ZW10: variants seen among roughly 807,000 people sequenced by gnomAD.
The protein encoded by ZW10 is zw10 kinetochore protein.
Under a neutral mutation model 87.8 loss-of-function variants are expected in ZW10, and 53 were observed. The ratio of observed to expected loss-of-function variants is 0.60; its 90% CI spans 0.48 to 0.76. The LOEUF (loss-of-function observed/expected upper bound fraction) is 0.76, where lower values mean the gene tolerates loss of function less well. ZW10 is among the 30% of genes least tolerant of loss of function. The pLI is 0.00. For missense variants in ZW10, 837 were observed against 923.0 expected (o/e 0.91, Z 1.21); for synonymous variants, 312 against 329.2 (o/e 0.95, Z 0.57).
intron 10 of ZW10, among the ~76,000 whole-genome samples, 178 bp from the exon 11 acceptor site, chr11:113,741,943 T>A (rs1304483729): frequency 1.3e-5 from 2 of 152,224 alleles, no homozygotes; most frequent in Non-Finnish European, 2.9e-5. Context: ...TCTCAACCAG[T>A]ATTTACTAAC....
At chr11:113,749,679 C>A (rs564762883) in intron 7 of ZW10, among the ~76,000 whole-genome samples, 5 of 152,108 alleles carry the variant, frequency 3.3e-5, no homozygotes, top group Non-Finnish European at 7.3e-5. Context: ...AGTGGAGGCA[C>A]GAGACCTCTC....
chr11:113,749,883 A>C (rs1953717317), intron 7 of ZW10, among the ~76,000 whole-genome samples: 1 of 152,230 alleles, frequency 6.6e-6, no homozygotes, highest in Admixed American at 6.5e-5. Flanking sequence ...CAAACCAGTC[A>C]GTGTCAACAG....
intron 11 of ZW10, among the ~76,000 whole-genome samples, chr11:113,740,193 A>C (rs1441624590): frequency 1.4e-5 from 2 of 140,422 alleles, no homozygotes; most frequent in East Asian, 2.1e-4. Flanking sequence ...CTTAAAAAAA[A>C]AGAAAAAAAC....
At chr11:113,758,804 C>A (rs1335375392) in intron 5 of ZW10, 98 bp from the exon 6 acceptor site, 2 of 1,172,556 alleles carry the variant, frequency 1.7e-6, no homozygotes, top group Admixed American at 4.1e-5. Context: ...CAATGCAGTT[C>A]TATTACAATA....
rs569706683 is a variant in ZW10, at chr11:113,769,040, T to C, written c.106-73A>G. ...GAACTCTAATAAGAATATATTCATC[T>C]TCCACAAGGCATTTTCCATGTTAGA... On this transcript the variant is annotated intron_variant, in intron 1 of 15. Transcript: ENST00000200135. The C allele has an allele frequency of 2.0e-6, 3 of 1,492,392 alleles. No individual in the cohort carries two copies. In the South Asian group the frequency reaches 3.6e-5, roughly 18 times the overall value. 92.4% of individuals were successfully genotyped at this position (1,492,392 alleles called of 1,614,324 possible). A position where few individuals can be genotyped will look rare whatever the true frequency, so the allele number is the denominator to read the frequency against.
At position 113,739,325 on chromosome 11, in the gene ZW10, GTACA is replaced by G; in HGVS notation, c.1637_1640del (p.Met546ThrfsTer7). On this transcript the variant is annotated frameshift_variant, in exon 12 of 16. Transcript: ENST00000200135. LOFTEE classifies it high-confidence loss of function. ...CGAGGGTCAGCAAGTGGTGAGCAAT[GTACA>G]TACAGTTGTTGTGATGAATAGCAGC... is the stretch of plus-strand genomic sequence containing the variant. 1 of 1,612,194 alleles carries G rather than the reference GTACA, an allele frequency of 6.2e-7. No homozygotes were observed. The highest frequency in any genetic ancestry group is 8.5e-7 in the Non-Finnish European group (1 of 1,179,200).
chr11:113,743,945 G>C lies in ZW10; in HGVS notation c.1368C>G (p.His456Gln). The C allele has an allele frequency of 6.2e-6, 10 of 1,614,174 alleles. No homozygotes were observed. Among genetic ancestry groups the C allele is most frequent in the Non-Finnish European group, 7.6e-6 (9 of 1,180,026 alleles). The change falls in exon 10 of 16, where the codon CAC (histidine) becomes CAG (glutamine). Residue 456 changes from histidine (H) to glutamine (Q), a missense_variant. By Grantham distance (24) the His-to-Gln change is conservative. Coordinates refer to ENST00000200135, the MANE Select transcript of ZW10 (RefSeq NM_004724.4). ...TTTCAGGCTCTAAATTCATCACTTC[G>C]TGGTACTGAGTATTGGATACTTTCT... ...EVQKVSNTQY[H>Q]EVMNLEPENT...
At chr11:113,746,419 C>T (rs1953676205) in intron 9 of ZW10, among the ~76,000 whole-genome samples, 1 of 146,446 alleles carries the variant, frequency 6.8e-6, no homozygotes, top group Non-Finnish European at 1.5e-5. Context: ...AGCACATGAG[C>T]ACTGAGTACA....
intron 1 of ZW10, chr11:113,769,528 G>C (rs77553233): frequency 0.075 from 12,084 of 160,236 alleles, 569 homozygotes; most frequent in African/African-American, 0.13. Flanking sequence ...TTAATACAAA[G>C]TAACTTAAAC....
At position 113,773,631 on chromosome 11, in the gene ZW10, G is replaced by A. The variant is rs377598023; in HGVS notation, c.36C>T (p.Ser12=). Residue 12 remains serine, a synonymous_variant, in exon 1 of 16, where the codon TCC becomes TCT. Coordinates refer to ENST00000200135, the MANE Select transcript of ZW10 (RefSeq NM_004724.4). ...CCAGATCCTCCTTTTCCAGCCTCCC[G>A]GAGTGTGCCAAAACTTCTGTCACGA... ...ASFVTEVLAH[S]GRLEKEDLGT... 7 of 1,613,950 alleles carry A rather than the reference G, an allele frequency of 4.3e-6. No homozygotes were observed. Among genetic ancestry groups the A allele is most frequent in the Middle Eastern group, 1.6e-4 (1 of 6,062 alleles).
intron 11 of ZW10, among the ~76,000 whole-genome samples, chr11:113,739,785 T>C (rs1006088595): frequency 1.3e-5 from 2 of 152,248 alleles, no homozygotes; most frequent in African/African-American, 4.8e-5. Context: ...TCAATTATTT[T>C]CTAATTCACT....
At chr11:113,771,044 C>T (rs921986857) in intron 1 of ZW10, among the ~76,000 whole-genome samples, 2 of 148,136 alleles carry the variant, frequency 1.4e-5, no homozygotes, top group African/African-American at 4.9e-5. Context: ...GGAGCAATCT[C>T]ACCTCACTGC....
intron 9 of ZW10, among the ~76,000 whole-genome samples, chr11:113,745,036 T>G (rs1953664856): frequency 1.3e-5 from 2 of 152,074 alleles, no homozygotes; most frequent in African/African-American, 4.8e-5. Flanking sequence ...CAGGCACATG[T>G]GTTGGCTTAG....
At chr11:113,754,054 TG>T (rs59155844) in intron 7 of ZW10, among the ~76,000 whole-genome samples, 11,595 of 152,288 alleles carry the variant, frequency 0.076, 596 homozygotes, top group Non-Finnish European at 0.11. Context: ...TGGAAGAATA[TG>T]CCATCTTGAA....
rs748599627 is a variant in ZW10, at chr11:113,737,631, T to G, written c.1957A>C (p.Met653Leu). The change falls in exon 14 of 16, where the codon ATG becomes CTG. Residue 653 changes from methionine (M) to leucine (L), a missense_variant. Transcript: ENST00000200135. Reference protein sequence around the residue: ...VLPVNIYCKAMGTLLNTAISE... With the variant: ...VLPVNIYCKALGTLLNTAISE... ...ATTGCTGTATTGAGTAAAGTCCCCA[T>G]AGCCTTGCAATATATATTCACTGGC... 4 of 1,613,694 alleles carry G rather than the reference T, an allele frequency of 2.5e-6. No individual in the cohort carries two copies. The highest frequency in any genetic ancestry group is 1.1e-5 in the South Asian group (1 of 91,016).
intron 2 of ZW10, among the ~76,000 whole-genome samples, chr11:113,766,225 C>A (rs1329143775): frequency 6.6e-6 from 1 of 151,772 alleles, no homozygotes; most frequent in African/African-American, 2.4e-5. Flanking sequence ...TTTAGCTGGG[C>A]ATGATGGCTT....
chr11:113,748,181 T>C lies in ZW10; in HGVS notation c.1089+76A>G, dbSNP rs964249006. The C allele has an allele frequency of 8.0e-5, 110 of 1,371,932 alleles. No homozygotes were observed. The East Asian group carries it at 2.2e-3, about 28-fold the overall frequency. 85.0% of individuals were successfully genotyped at this position (1,371,932 alleles called of 1,614,324 possible). A position where few individuals can be genotyped will look rare whatever the true frequency, so the allele number is the denominator to read the frequency against. ...AAAGGTATAACTAAAGAACAAACTATCTCCAAGGAAAAACAAAAGACAGCA... is the reference window on the plus strand; with the variant it reads ...AAAGGTATAACTAAAGAACAAACTACCTCCAAGGAAAAACAAAAGACAGCA... On this transcript the variant is annotated intron_variant, in intron 8 of 15. Transcript: ENST00000200135.
chr11:113,753,743 C>T (rs1006233849), intron 7 of ZW10, among the ~76,000 whole-genome samples: 2 of 152,168 alleles, frequency 1.3e-5, no homozygotes, highest in Admixed American at 6.5e-5. Context: ...TGTAGAAGCT[C>T]AAACCCACCA....
chr11:113,751,807 T>C (rs571809309), intron 7 of ZW10, among the ~76,000 whole-genome samples: 3 of 151,948 alleles, frequency 2.0e-5, no homozygotes, highest in East Asian at 1.9e-4. Context: ...GAAGTGGAGG[T>C]TGCAGTGAGC....
Sources: gnomAD v4.1 joint callset for allele counts (sites outside exome capture counted in the v4.1 genomes callset) on GRCh38, gnomAD v4.1.1 for gene constraint, MANE v1.5 for transcripts, NCBI Gene and HGNC (gene_info 2026-07-23, HGNC 2026-07-21) for gene names.